ATRNL1: variants seen among roughly 807,000 people sequenced by gnomAD.
ATRNL1 encodes attractin like 1, also known as attractin-like protein 1.
ATRNL1 carries 95 observed loss-of-function variants against 182.7 expected under a neutral mutation model. The ratio of observed to expected loss-of-function variants is 0.52; its 90% CI spans 0.44 to 0.62. The LOEUF (loss-of-function observed/expected upper bound fraction) is 0.62, where lower values mean the gene tolerates loss of function less well. Among genes scored for constraint, ATRNL1 ranks in the 20% least tolerant of loss-of-function variants. The pLI is 0.00. For missense variants in ATRNL1, 1,471 were observed against 1,679.5 expected (o/e 0.88, Z 2.17); for synonymous variants, 576 against 568.3 (o/e 1.01, Z -0.19).
chr10:115,423,314 G>C (rs906482831), intron 20 of ATRNL1, among the ~76,000 whole-genome samples: 1 of 151,982 alleles, frequency 6.6e-6, no homozygotes, highest in Non-Finnish European at 1.5e-5. Flanking sequence ...TGAGTGAATT[G>C]CTTGAGTCCA....
intron 19 of ATRNL1, among the ~76,000 whole-genome samples, chr10:115,354,409 T>C (rs993303129): frequency 6.6e-6 from 1 of 152,162 alleles, no homozygotes; most frequent in Admixed American, 6.5e-5. Context: ...TTTGTTTGTC[T>C]GGGAAAGTCT....
At chr10:115,648,481 G>T (rs746620500) in intron 26 of ATRNL1, among the ~76,000 whole-genome samples, 1 of 152,090 alleles carries the variant, frequency 6.6e-6, no homozygotes, top group African/African-American at 2.4e-5. Flanking sequence ...AACCAAAAAA[G>T]AGCCCACATT....
chr10:115,208,020 C>G (rs1035563213), intron 8 of ATRNL1, among the ~76,000 whole-genome samples: 1 of 151,982 alleles, frequency 6.6e-6, no homozygotes, highest in African/African-American at 2.4e-5. Flanking sequence ...GTTTTTCAAT[C>G]TTTTTCATTT....
chr10:115,097,970 A>G (rs781958780), intron 1 of ATRNL1, among the ~76,000 whole-genome samples: 6 of 152,170 alleles, frequency 3.9e-5, no homozygotes, highest in East Asian at 3.8e-4. Context: ...AAATATATAT[A>G]TATGCATATG....
intron 26 of ATRNL1, among the ~76,000 whole-genome samples, chr10:115,646,399 G>A (rs1434476862): frequency 6.6e-6 from 1 of 152,040 alleles, no homozygotes; most frequent in Non-Finnish European, 1.5e-5. Flanking sequence ...CCTCCATATA[G>A]TGTGTTAAAG....
intron 26 of ATRNL1, among the ~76,000 whole-genome samples, chr10:115,704,108 T>C (rs551500625): frequency 6.6e-5 from 10 of 152,106 alleles, no homozygotes; most frequent in Admixed American, 6.6e-4. Flanking sequence ...GGAGAATATT[T>C]GAGACAACAG....
chr10:115,632,381 A>C (rs1858569726), intron 26 of ATRNL1, among the ~76,000 whole-genome samples: 1 of 152,176 alleles, frequency 6.6e-6, no homozygotes, highest in Admixed American at 6.6e-5. Context: ...ATGCTTGATT[A>C]TTTTTATATG....
At chr10:115,789,552 T>C (rs956624010) in intron 27 of ATRNL1, among the ~76,000 whole-genome samples, 1 of 152,188 alleles carries the variant, frequency 6.6e-6, no homozygotes, top group Non-Finnish European at 1.5e-5. Context: ...CGCAGATAGT[T>C]GCCTGGGAGA....
At chr10:115,263,831 T>G (rs943131871) in intron 10 of ATRNL1, among the ~76,000 whole-genome samples, 6 of 151,730 alleles carry the variant, frequency 4.0e-5, no homozygotes, top group African/African-American at 1.4e-4. Flanking sequence ...CTCTTGAGGA[T>G]CTTAATAGGC....
At chr10:115,337,285 A>G (rs1855535704) in intron 19 of ATRNL1, among the ~76,000 whole-genome samples, 1 of 152,136 alleles carries the variant, frequency 6.6e-6, no homozygotes, top group Non-Finnish European at 1.5e-5. Context: ...TAATCACTTC[A>G]TGGAGAATAG....
chr10:115,603,064 G>T (rs1856697252), intron 26 of ATRNL1, among the ~76,000 whole-genome samples: 1 of 152,134 alleles, frequency 6.6e-6, no homozygotes, highest in African/African-American at 2.4e-5. Flanking sequence ...CATGTAGTGG[G>T]GGTATGCCAC....
At chr10:115,453,768 AG>A (rs1481976871) in intron 21 of ATRNL1, among the ~76,000 whole-genome samples, 1 of 119,314 alleles carries the variant, frequency 8.4e-6, no homozygotes, top group African/African-American at 3.3e-5. Context: ...GGACACAGGA[AG>A]GGGAACATCA....
chr10:115,660,889 G>A (rs1414945910), intron 26 of ATRNL1, among the ~76,000 whole-genome samples: 1 of 152,152 alleles, frequency 6.6e-6, no homozygotes, highest in Non-Finnish European at 1.5e-5. Context: ...TTCTATGTAT[G>A]TTAATGGGAG....
rs148687672 is a variant in ATRNL1 at position 115,118,286 on chromosome 10, C to A, written c.294-1899C>A. ...AAGAAATCTTTGCCCAGTCCAATAT[C>A]CTGGAGAGTTTCCCCAATGTTTTCT... is the stretch of plus-strand genomic sequence containing the variant. On this transcript the variant is annotated intron_variant, in intron 1 of 28. Coordinates refer to ENST00000355044, the MANE Select transcript of ATRNL1 (RefSeq NM_207303.4). Among the ~76,000 whole-genome samples, 730 of 152,184 alleles carry A rather than the reference C, an allele frequency of 4.8e-3. 4 individuals are homozygous for A. The highest frequency in any genetic ancestry group is 0.017 in the African/African-American group (705 of 41,518).
intron 8 of ATRNL1, among the ~76,000 whole-genome samples, chr10:115,213,143 T>A (rs1433629076): frequency 1.3e-5 from 2 of 152,152 alleles, no homozygotes; most frequent in Non-Finnish European, 2.9e-5. Context: ...GTCGTGATTT[T>A]TCTTGTTGTC....
At chr10:115,476,044 A>G (rs1169562553) in intron 24 of ATRNL1, among the ~76,000 whole-genome samples, 2 of 151,274 alleles carry the variant, frequency 1.3e-5, no homozygotes, top group Non-Finnish European at 3.0e-5. Flanking sequence ...TTTTTCTGAT[A>G]TATACTCTAC....
At chr10:115,532,206 A>G (rs1358339960) in intron 25 of ATRNL1, among the ~76,000 whole-genome samples, 1 of 152,136 alleles carries the variant, frequency 6.6e-6, no homozygotes, top group Non-Finnish European at 1.5e-5. Flanking sequence ...TTGAATCTAT[A>G]ACTTACCTTG....
At chr10:115,133,022 A>G (rs980605709) in intron 5 of ATRNL1, among the ~76,000 whole-genome samples, 1 of 152,146 alleles carries the variant, frequency 6.6e-6, no homozygotes, top group African/African-American at 2.4e-5. Context: ...TATGTCCTGA[A>G]TGGTATTGCC....
intron 8 of ATRNL1, among the ~76,000 whole-genome samples, chr10:115,187,831 G>A (rs1402819844): frequency 4.0e-5 from 6 of 151,350 alleles, no homozygotes; most frequent in African/African-American, 9.7e-5. Context: ...ACAGGTGCGC[G>A]CCAGCATGCC....
Sources: gnomAD v4.1 joint callset for allele counts (sites outside exome capture counted in the v4.1 genomes callset) on GRCh38, gnomAD v4.1.1 for gene constraint, MANE v1.5 for transcripts, NCBI Gene and HGNC (gene_info 2026-07-23, HGNC 2026-07-21) for gene names.